Variants in NCOA2 observed in about 807,000 individuals in gnomAD.
NCOA2 encodes nuclear receptor coactivator 2.
NCOA2 carries 21 observed loss-of-function variants against 145.1 expected under a neutral mutation model. The ratio of observed to expected loss-of-function variants is 0.14; its 90% confidence interval spans 0.10 to 0.21. The LOEUF is 0.21. Ranked by LOEUF, NCOA2 falls within the 10% of genes least tolerant of loss-of-function variation. The probability of loss-of-function intolerance (pLI) is 1.00; values close to 1 mark genes in which losing one functional copy is unlikely to be tolerated. For missense variants in NCOA2, 1,472 were observed against 1,837.6 expected (o/e 0.80, Z 3.64); for synonymous variants, 619 against 637.5 (o/e 0.97, Z 0.44).
chr8:70,352,544 A>G (rs868191426), intron 1 of NCOA2, among the ~76,000 whole-genome samples: 5 of 152,178 alleles, frequency 3.3e-5, no homozygotes, highest in East Asian at 1.9e-4. Context: ...TTTTTCCTAT[A>G]TAAGTTTAAA....
rs56164917 is a variant in NCOA2, at chr8:70,128,690, C to T, written c.3603+12G>A. On this transcript the variant is annotated intron_variant, in intron 17 of 22. Coordinates refer to ENST00000452400, the MANE Select transcript of NCOA2 (RefSeq NM_006540.4). ...GCACCCCTGACTTCCCAGGTGCCAT[C>T]GAAGAACAGACCTGCTGTGCTTGGA... 15,942 of 1,611,212 alleles carry T rather than the reference C, an allele frequency of 9.9e-3. 1,409 individuals carry two copies. The African/African-American group carries it at 0.19, about 19-fold the overall frequency.
intron 2 of NCOA2, among the ~76,000 whole-genome samples, chr8:70,285,319 G>A (rs1428610615): frequency 6.6e-6 from 1 of 152,190 alleles, no homozygotes; most frequent in Non-Finnish European, 1.5e-5. Flanking sequence ...TATGTAGTTA[G>A]ACAAGGTTTA....
At chr8:70,326,831 T>C (rs759783949) in intron 1 of NCOA2, among the ~76,000 whole-genome samples, 1 of 152,232 alleles carries the variant, frequency 6.6e-6, no homozygotes, top group Admixed American at 6.5e-5. Context: ...CTTTGAAGTA[T>C]TGGAAATAGT....
intron 11 of NCOA2, among the ~76,000 whole-genome samples, chr8:70,151,891 A>AT (rs370792290): frequency 3.5e-4 from 53 of 149,344 alleles, no homozygotes; most frequent in Admixed American, 1.2e-3. Context: ...TGACTACAGA[A>AT]TTTTTTTTTT....
intron 4 of NCOA2, among the ~76,000 whole-genome samples, chr8:70,194,507 T>G (rs1317818197): frequency 6.6e-6 from 1 of 152,156 alleles, no homozygotes; most frequent in Non-Finnish European, 1.5e-5. Flanking sequence ...ACAGATCTTA[T>G]GATGGACAAC....
chr8:70,382,001 G>T (rs941069093), intron 1 of NCOA2, among the ~76,000 whole-genome samples: 2 of 152,098 alleles, frequency 1.3e-5, no homozygotes, highest in African/African-American at 4.8e-5. Flanking sequence ...AGAGGAGCGA[G>T]ACTGATACCA....
At chr8:70,375,816 G>A (rs1811614497) in intron 1 of NCOA2, among the ~76,000 whole-genome samples, 1 of 152,018 alleles carries the variant, frequency 6.6e-6, no homozygotes, top group Non-Finnish European at 1.5e-5. Context: ...CAGAAAATAA[G>A]ACCATATTAT....
At chr8:70,397,006 T>A (rs1813728518) in intron 1 of NCOA2, among the ~76,000 whole-genome samples, 1 of 152,178 alleles carries the variant, frequency 6.6e-6, no homozygotes, top group Non-Finnish European at 1.5e-5. Context: ...AGCCTCCTTC[T>A]GGAAAATGGA....
intron 8 of NCOA2, among the ~76,000 whole-genome samples, chr8:70,163,180 G>C (rs1313199881): frequency 6.6e-6 from 1 of 152,118 alleles, no homozygotes; most frequent in African/African-American, 2.4e-5. Flanking sequence ...CACCCAAAGT[G>C]TTGGGGTTAC....
At chr8:70,301,831 C>A (rs753960419) in intron 1 of NCOA2, among the ~76,000 whole-genome samples, 4 of 151,968 alleles carry the variant, frequency 2.6e-5, no homozygotes, top group Non-Finnish European at 5.9e-5. Flanking sequence ...GCCAGCACCA[C>A]CTTAATCAAG....
rs975616690 is a variant in NCOA2 at position 70,111,966 on chromosome 8, G to C, written c.*1666C>G. 2.7e-5 allele frequency: 6 copies of C among 221,782 alleles called. No individual in the cohort carries two copies. Among genetic ancestry groups the C allele is most frequent in the African/African-American group, 1.1e-4 (5 of 44,656 alleles). 13.7% of individuals were successfully genotyped at this position (221,782 alleles called of 1,614,324 possible). A position where few individuals can be genotyped will look rare whatever the true frequency, so the allele number is the denominator to read the frequency against. ...GCTCAAAAAAGGTCATCAGTTTCTT[G>C]GTATTGGAGTTGTCTGAAACTGACA... On this transcript the variant is annotated 3_prime_UTR_variant, in exon 23 of 23. Transcript: ENST00000452400.
chr8:70,440,299 G>C, the NCOA2 span, among the ~76,000 whole-genome samples: 8 of 152,154 alleles, frequency 5.3e-5, no homozygotes, highest in East Asian at 3.9e-4. Flanking sequence ...AAGAAAGAAA[G>C]AAACAAATGA....
At chr8:70,133,877 A>G (rs565652692) in intron 15 of NCOA2, among the ~76,000 whole-genome samples, 3 of 152,360 alleles carry the variant, frequency 2.0e-5, no homozygotes, top group African/African-American at 7.2e-5. Context: ...GAATGCATTA[A>G]TAACAACCTA....
At chr8:70,364,237 A>G (rs1168022645) in intron 1 of NCOA2, among the ~76,000 whole-genome samples, 1 of 152,064 alleles carries the variant, frequency 6.6e-6, no homozygotes. Flanking sequence ...TGAGTTTTAC[A>G]TTTAGGACTG....
chr8:70,123,229 A>G (rs1319105141), intron 21 of NCOA2, among the ~76,000 whole-genome samples: 1 of 152,246 alleles, frequency 6.6e-6, no homozygotes, highest in African/African-American at 2.4e-5. Flanking sequence ...AAGTAAAAAG[A>G]ATAGTTTTTG....
intron 11 of NCOA2, among the ~76,000 whole-genome samples, chr8:70,149,782 G>A (rs1005726435): frequency 1.3e-5 from 2 of 152,142 alleles, no homozygotes; most frequent in South Asian, 2.1e-4. Context: ...AAAGTAGTAC[G>A]AACGATTTTC....
In NCOA2 at chr8:70,110,755, C is replaced by T. The variant is rs1806468573; in HGVS notation, c.*2877G>A. 1 of 223,454 alleles carries T rather than the reference C, an allele frequency of 4.5e-6. No individual in the cohort carries two copies. The highest frequency in any genetic ancestry group is 8.9e-6 in the Non-Finnish European group (1 of 111,986). 13.8% of individuals were successfully genotyped at this position (223,454 alleles called of 1,614,324 possible). A position where few individuals can be genotyped will look rare whatever the true frequency, so the allele number is the denominator to read the frequency against. ...TAAGAGATACACATAGGGGGAGGGG[C>T]ATTTTAATCTTTGAGTCAAACGAAT... is the stretch of plus-strand genomic sequence containing the variant. On this transcript the variant is annotated 3_prime_UTR_variant, in exon 23 of 23. Coordinates refer to ENST00000452400, the MANE Select transcript of NCOA2 (RefSeq NM_006540.4).
At chr8:70,281,956 A>G (rs912780949) in intron 2 of NCOA2, among the ~76,000 whole-genome samples, 2 of 152,250 alleles carry the variant, frequency 1.3e-5, no homozygotes, top group Non-Finnish European at 2.9e-5. Context: ...TTAGTAAAAT[A>G]TAACATTCAA....
At position 70,268,244 on chromosome 8, in the gene NCOA2, A is replaced by G. The variant is rs566166346; in HGVS notation, c.-20+28500T>C. Among the ~76,000 whole-genome samples, 3 of 152,318 alleles carry G rather than the reference A, an allele frequency of 2.0e-5. 1 individual carries two copies. Among genetic ancestry groups the G allele is most frequent in the Admixed American group, 2.0e-4 (3 of 15,306 alleles). On this transcript the variant is annotated intron_variant, in intron 2 of 22. Transcript: ENST00000452400. ...ATCTCTCTTAATCCACAGTGGCTCG[A>G]AATCTCTCATTATCTCTCTGTTTCA...
Sources: allele counts gnomAD v4.1 joint callset (sites outside exome capture counted in the v4.1 genomes callset), GRCh38; gene constraint gnomAD v4.1.1; transcripts MANE v1.5; gene names NCBI Gene and HGNC (gene_info 2026-07-23, HGNC 2026-07-21).